The following SLCO1B1 variants were observed in gnomAD, a reference collection of about 807,000 sequenced individuals.
SLCO1B1 encodes OATP-2.
Under a neutral mutation model 70.1 loss-of-function variants are expected in SLCO1B1, and 81 were observed. The ratio of observed to expected loss-of-function variants is 1.16; its 90% CI spans 0.97 to 1.39. SLCO1B1 has a LOEUF of 1.39. Among genes scored for constraint, SLCO1B1 ranks in the 40% most tolerant of loss-of-function variants. SLCO1B1 has a pLI of 0.00. For missense variants in SLCO1B1, 895 were observed against 799.6 expected, an observed-to-expected ratio of 1.12 and a Z score of -1.44; for synonymous variants, 283 against 271.5, an observed-to-expected ratio of 1.04 and a Z score of -0.42.
chr12:21,171,679 G>A (rs749597897), intron 2 of SLCO1B1, among the ~76,000 whole-genome samples: 1 of 152,136 alleles, frequency 6.6e-6, no homozygotes, highest in South Asian at 2.1e-4. Flanking sequence ...TGACAGAATA[G>A]AATAGACTTG....
chr12:21,142,149 C>T (rs1940319477), intron 2 of SLCO1B1, among the ~76,000 whole-genome samples: 1 of 151,140 alleles, frequency 6.6e-6, no homozygotes, highest in African/African-American at 2.4e-5. Flanking sequence ...CTATGATAGT[C>T]AAAAACTTGG....
At chr12:21,234,557 C>T (rs953713956) in intron 14 of SLCO1B1, among the ~76,000 whole-genome samples, 28 of 152,026 alleles carry the variant, frequency 1.8e-4, no homozygotes, top group Admixed American at 1.4e-3. Context: ...AGAATTAGTT[C>T]GGCTTACACC....
chr12:21,220,559 C>G (rs1941411409), intron 12 of SLCO1B1, among the ~76,000 whole-genome samples: 1 of 151,892 alleles, frequency 6.6e-6, no homozygotes, highest in Non-Finnish European at 1.5e-5. Flanking sequence ...AAACAAGATC[C>G]TAGGATCAGT....
intron 2 of SLCO1B1, among the ~76,000 whole-genome samples, chr12:21,150,159 G>T (rs1020276486): frequency 2.6e-5 from 4 of 152,116 alleles, no homozygotes; most frequent in Non-Finnish European, 4.4e-5. Context: ...TCCTCTCTGG[G>T]CAGGGCATCT....
At chr12:21,215,859 G>T (rs931962186) in intron 11 of SLCO1B1, among the ~76,000 whole-genome samples, 1 of 152,032 alleles carries the variant, frequency 6.6e-6, no homozygotes, top group African/African-American at 2.4e-5. Context: ...TTGATAGGCA[G>T]GTTTTTTCAG....
At chr12:21,134,565 G>A (rs1252670019) in intron 1 of SLCO1B1, among the ~76,000 whole-genome samples, 2 of 152,062 alleles carry the variant, frequency 1.3e-5, no homozygotes, top group East Asian at 1.9e-4. Context: ...GTCTTGGGAG[G>A]ATGTATGTGT....
rs76429733 is a variant in SLCO1B1 at position 21,222,188 on chromosome 12, A to T, written c.1683-112A>T. The stretch of plus-strand genomic sequence containing the variant: ...TAATTTTATATAATGGGGCCATTCA[A>T]CTGTGAGCTTAATTCTATCATGGAG... On this transcript the variant is annotated intron_variant, in intron 12 of 14. Coordinates refer to ENST00000256958, the MANE Select transcript of SLCO1B1 (RefSeq NM_006446.5). 959 of 385,138 alleles carry T rather than the reference A, an allele frequency of 2.5e-3. 6 individuals are homozygous for T. The highest frequency in any genetic ancestry group is 4.9e-3 in the Middle Eastern group (13 of 2,638). The allele number at this position is 385,138 out of a possible 1,614,324, so 23.9% of individuals were successfully genotyped here.
At chr12:21,168,645 G>C (rs1388204864) in intron 2 of SLCO1B1, among the ~76,000 whole-genome samples, 2 of 152,254 alleles carry the variant, frequency 1.3e-5, no homozygotes, top group African/African-American at 2.4e-5. Flanking sequence ...GTAGAAAGTT[G>C]AGCATCTTTT....
At chr12:21,162,922 C>A (rs1186400685) in intron 2 of SLCO1B1, among the ~76,000 whole-genome samples, 1 of 152,114 alleles carries the variant, frequency 6.6e-6, no homozygotes, top group Non-Finnish European at 1.5e-5. Flanking sequence ...ATGTGAAGTG[C>A]AGGAAAGTGG....
At chr12:21,213,887 A>C (rs1269441854) in intron 11 of SLCO1B1, among the ~76,000 whole-genome samples, 1 of 149,638 alleles carries the variant, frequency 6.7e-6, no homozygotes, top group African/African-American at 2.5e-5. Context: ...TTCTCCACGT[A>C]GTTCTCGAGC....
chr12:21,145,473 A>ATTTTTTTTTTTTTTT (rs35334634), intron 2 of SLCO1B1, among the ~76,000 whole-genome samples: 3 of 76,092 alleles, frequency 3.9e-5, no homozygotes, highest in African/African-American at 5.6e-5. Flanking sequence ...CATTTTTTTC[A>ATTTTTTTTTTTTTTT]TTTTTTTTTT....
intron 12 of SLCO1B1, among the ~76,000 whole-genome samples, chr12:21,220,407 T>G (rs1941409528): frequency 6.6e-6 from 1 of 152,060 alleles, no homozygotes; most frequent in African/African-American, 2.4e-5. Context: ...AGAGACAAGG[T>G]CTCATTTTGT....
intron 11 of SLCO1B1, among the ~76,000 whole-genome samples, chr12:21,206,341 A>G (rs1941214834): frequency 6.6e-6 from 1 of 151,860 alleles, no homozygotes; most frequent in Non-Finnish European, 1.5e-5. Flanking sequence ...GAAGCACCTC[A>G]TTTGACTAAA....
intron 12 of SLCO1B1, among the ~76,000 whole-genome samples, chr12:21,220,981 T>C (rs10841758): frequency 0.32 from 48,605 of 151,984 alleles, 8,321 homozygotes; most frequent in East Asian, 0.45. Context: ...GTTCAACATA[T>C]ATAAATCAAT....
chr12:21,185,130 A>G (rs768090660), intron 7 of SLCO1B1, among the ~76,000 whole-genome samples: 5 of 152,156 alleles, frequency 3.3e-5, no homozygotes, highest in Admixed American at 6.5e-5. Context: ...TTAGAGACCT[A>G]AGGAAACTAA....
intron 9 of SLCO1B1, 74 bp downstream of exon 9, chr12:21,200,746 T>C (rs1941147978): frequency 7.7e-7 from 1 of 1,298,372 alleles, no homozygotes; most frequent in South Asian, 1.4e-5. Context: ...TGGTATTTTA[T>C]TGTGAAAGTG....
At chr12:21,189,949 T>C (rs1353261456) in intron 7 of SLCO1B1, among the ~76,000 whole-genome samples, 1 of 152,166 alleles carries the variant, frequency 6.6e-6, no homozygotes, top group Non-Finnish European at 1.5e-5. Context: ...GCATAATAAA[T>C]CTCTGCAATT....
chr12:21,225,333 TC>T (rs1941471712), intron 14 of SLCO1B1, among the ~76,000 whole-genome samples: 1 of 152,154 alleles, frequency 6.6e-6, no homozygotes, highest in African/African-American at 2.4e-5. Context: ...TCTATATTAC[TC>T]TATTCGTGGG....
Position 21,161,956 on chromosome 12 carries a change from C to T in SLCO1B1, c.85-10694C>T, listed in dbSNP as rs1461789904. On this transcript the variant is annotated intron_variant, in intron 2 of 14. Transcript: ENST00000256958. ...CTGGGAGGCAGAGGTTGCAGTGAGC[C>T]GAGATCACAACAGTGCACTTTAGCC... Among the ~76,000 whole-genome samples, 8 of 151,850 alleles carry T rather than the reference C, an allele frequency of 5.3e-5. No homozygotes were observed. The South Asian group carries it at 1.0e-3, about 20-fold the overall frequency.
Sources: allele counts gnomAD v4.1 joint callset (sites outside exome capture counted in the v4.1 genomes callset), GRCh38; gene constraint gnomAD v4.1.1; transcripts MANE v1.5; gene names NCBI Gene and HGNC (gene_info 2026-07-23, HGNC 2026-07-21).